EVA1A: variants seen among roughly 807,000 people sequenced by gnomAD.
EVA1A encodes eva-1 homolog A, regulator of programmed cell death.
In EVA1A, 7 loss-of-function variants were observed where a neutral mutation model predicts 9.8. The observed-to-expected ratio is 0.71, with a 90% CI of 0.41 to 1.34. The LOEUF (loss-of-function observed/expected upper bound fraction) is 1.34, where lower values mean the gene tolerates loss of function less well. EVA1A is among the 40% of genes most tolerant of loss of function. The pLI, the probability that EVA1A is intolerant of heterozygous loss-of-function variation, is 0.01. For missense variants in EVA1A, 206 were observed against 205.9 expected, an observed-to-expected ratio of 1.00 and a Z score of 0.00; for synonymous variants, 90 against 85.6, an observed-to-expected ratio of 1.05 and a Z score of -0.28.
At chr2:75,547,631 C>T (rs1171647889) in intron 1 of EVA1A, among the ~76,000 whole-genome samples, 1 of 152,154 alleles carries the variant, frequency 6.6e-6, no homozygotes, top group African/African-American at 2.4e-5. Flanking sequence ...GACATGTTCT[C>T]ATCAAATTGG....
intron 1 of EVA1A, among the ~76,000 whole-genome samples, chr2:75,557,872 G>A (rs1291662979): frequency 2.0e-5 from 3 of 152,258 alleles, no homozygotes; most frequent in Admixed American, 6.5e-5. Flanking sequence ...GCATGATGCA[G>A]GTGGAAAACC....
In EVA1A at chr2:75,543,862, G is replaced by A. The variant is rs113293206; in HGVS notation, c.-192+16818C>T. On this transcript the variant is annotated intron_variant, in intron 1 of 3. Transcript: ENST00000393913. ...AGGGAGGTCCTCCCAAGCCAGCCCT[G>A]CTAAAGATCCCACCTGAGACCACAA... Among the ~76,000 whole-genome samples the A allele has an allele frequency of 3.2e-3, 487 of 152,330 alleles. 3 individuals carry two copies. Among genetic ancestry groups the A allele is most frequent in the African/African-American group, 0.011 (447 of 41,568 alleles).
chr2:75,533,581 A>G (rs1675757403), intron 1 of EVA1A, among the ~76,000 whole-genome samples: 1 of 152,164 alleles, frequency 6.6e-6, no homozygotes, highest in Non-Finnish European at 1.5e-5. Context: ...CCTTTTCCTC[A>G]TGAGTTTTCG....
In EVA1A at chr2:75,522,471, A is replaced by G. The variant is rs1675265723; in HGVS notation, c.-175T>C. On this transcript the variant is annotated 5_prime_UTR_variant, in exon 2 of 4. Transcript: ENST00000393913. The stretch of plus-strand genomic sequence containing the variant: ...GAGGTTCTAAAACTTGTTTGGCCCC[A>G]GTTGGCTTCTCAGACTCTGAAAGAA... 6.6e-6 allele frequency: 1 copy of G among 152,430 alleles called. No homozygotes were observed. The highest frequency in any genetic ancestry group is 3.4e-3 in the Middle Eastern group (1 of 294). 9.4% of individuals were successfully genotyped at this position (152,430 alleles called of 1,614,324 possible).
intron 1 of EVA1A, among the ~76,000 whole-genome samples, chr2:75,531,217 T>A (rs1345530277): frequency 2.0e-5 from 3 of 152,202 alleles, no homozygotes; most frequent in Non-Finnish European, 4.4e-5. Context: ...ACCTTACTCC[T>A]GCAAGAATAG....
intron 1 of EVA1A, among the ~76,000 whole-genome samples, chr2:75,528,115 G>A (rs922432586): frequency 1.2e-4 from 18 of 152,354 alleles, no homozygotes; most frequent in Non-Finnish European, 1.8e-4. Flanking sequence ...GAAGCCCAGC[G>A]AAGCCATTTC....
intron 1 of EVA1A, among the ~76,000 whole-genome samples, chr2:75,553,400 A>G (rs1676594011): frequency 6.6e-6 from 1 of 152,238 alleles, no homozygotes; most frequent in Admixed American, 6.5e-5. Flanking sequence ...ATATGTCCTG[A>G]TTTCAGAGAA....
At chr2:75,526,701 G>A (rs1675452285) in intron 1 of EVA1A, among the ~76,000 whole-genome samples, 1 of 152,240 alleles carries the variant, frequency 6.6e-6, no homozygotes, top group Non-Finnish European at 1.5e-5. Flanking sequence ...TTTAGCACAG[G>A]AGCAAAGGGA....
intron 1 of EVA1A, among the ~76,000 whole-genome samples, chr2:75,549,295 G>A (rs533534592): frequency 6.6e-6 from 1 of 152,272 alleles, no homozygotes; most frequent in Admixed American, 6.5e-5. Flanking sequence ...AGCCAAGTAT[G>A]GGATTATGTA....
rs571895184 is a variant in EVA1A, at chr2:75,556,858, C to T, written c.-192+3822G>A. 3.3e-5 allele frequency among the ~76,000 whole-genome samples: 5 copies of T among 152,280 alleles called. No homozygotes were observed. The East Asian group carries it at 7.7e-4, about 24-fold the overall frequency. Reference sequence around the variant, plus strand: ...TGCTCCTATGAGAATCTAATGCAGCCGCTGATCTGACAGGAGGCGGAGCTC... The same window carrying T: ...TGCTCCTATGAGAATCTAATGCAGCTGCTGATCTGACAGGAGGCGGAGCTC... On this transcript the variant is annotated intron_variant, in intron 1 of 3. Coordinates refer to ENST00000393913, the MANE Select transcript of EVA1A (RefSeq NM_001135032.2).
chr2:75,562,109 T>A (rs1676937985), upstream of EVA1A, among the ~76,000 whole-genome samples: 1 of 152,224 alleles, frequency 6.6e-6, no homozygotes, highest in Non-Finnish European at 1.5e-5. Context: ...TATCTGCAGC[T>A]TAACAAGATC....
chr2:75,553,450 C>G (rs1420202394), intron 1 of EVA1A, among the ~76,000 whole-genome samples: 5 of 152,240 alleles, frequency 3.3e-5, no homozygotes, highest in Non-Finnish European at 5.9e-5. Flanking sequence ...CATTGCATTA[C>G]TATCTCTGAT....
At chr2:75,536,287 A>G (rs2103917831) in intron 1 of EVA1A, among the ~76,000 whole-genome samples, 1 of 152,290 alleles carries the variant, frequency 6.6e-6, no homozygotes, top group South Asian at 2.1e-4. Flanking sequence ...ATGAGCTGAG[A>G]GCACGCCACT....
chr2:75,502,507 A>G (rs1361112931), intron 3 of EVA1A, among the ~76,000 whole-genome samples: 1 of 152,234 alleles, frequency 6.6e-6, no homozygotes, highest in African/African-American at 2.4e-5. Context: ...GCTTAAAAAT[A>G]TTAGGGTATA....
intron 3 of EVA1A, among the ~76,000 whole-genome samples, chr2:75,498,248 A>G (rs1362502446): frequency 1.4e-5 from 2 of 140,598 alleles, no homozygotes; most frequent in Non-Finnish European, 3.1e-5. Context: ...CAAATACTGC[A>G]TGTTGTCACT....
intron 1 of EVA1A, among the ~76,000 whole-genome samples, chr2:75,532,039 G>A (rs2422172): frequency 0.46 from 69,701 of 151,020 alleles, 18,240 homozygotes; most frequent in African/African-American, 0.73. Flanking sequence ...GGGTGCCTGT[G>A]GTCCCACCTA....
chr2:75,538,276 C>T (rs939198681), intron 1 of EVA1A, among the ~76,000 whole-genome samples: 5 of 152,120 alleles, frequency 3.3e-5, no homozygotes, highest in Admixed American at 2.0e-4. Flanking sequence ...GCCTGGGTGA[C>T]AGAGCGAGAC....
intron 3 of EVA1A, among the ~76,000 whole-genome samples, chr2:75,511,580 T>C (rs1169701000): frequency 6.6e-6 from 1 of 152,176 alleles, no homozygotes; most frequent in Non-Finnish European, 1.5e-5. Context: ...AGGAGAAAAC[T>C]ATACCCTTGT....
At chr2:75,514,643 A>G (rs1399829694) in intron 3 of EVA1A, among the ~76,000 whole-genome samples, 1 of 152,166 alleles carries the variant, frequency 6.6e-6, no homozygotes, top group Non-Finnish European at 1.5e-5. Context: ...TGGGATTATA[A>G]TATATATGGT....
Sources: allele counts gnomAD v4.1 joint callset (sites outside exome capture counted in the v4.1 genomes callset), GRCh38; gene constraint gnomAD v4.1.1; transcripts MANE v1.5; gene names NCBI Gene and HGNC (gene_info 2026-07-23, HGNC 2026-07-21).